Variants in WDR27 observed in about 807,000 individuals in gnomAD.
WDR27 encodes the protein WD repeat domain 27, also known as WD repeat-containing protein 27.
Under a neutral mutation model 114.4 loss-of-function variants are expected in WDR27, and 100 were observed. That is an observed-to-expected ratio of 0.87 (90% CI 0.74 to 1.03). The LOEUF is 1.03. WDR27 is among the 50% of genes least tolerant of loss of function. WDR27 has a pLI of 0.00. For missense variants in WDR27, 1,129 were observed against 1,092.9 expected, an observed-to-expected ratio of 1.03 and a Z score of -0.47; for synonymous variants, 449 against 423.1, an observed-to-expected ratio of 1.06 and a Z score of -0.75.
chr6:169,517,529 C>A (rs923196100), intron 25 of WDR27, among the ~76,000 whole-genome samples: 7 of 152,154 alleles, frequency 4.6e-5, no homozygotes, highest in Middle Eastern at 3.2e-3. Context: ...AAAGAAGTTA[C>A]AACAAAAATA....
intron 23 of WDR27, among the ~76,000 whole-genome samples, chr6:169,585,952 T>C (rs1015863473): frequency 2.0e-5 from 3 of 152,178 alleles, no homozygotes; most frequent in Non-Finnish European, 2.9e-5. Context: ...ATGGTACCAA[T>C]CCTTCTCCTA....
At position 169,621,409 on chromosome 6, in the gene WDR27, T is replaced by C. The variant is rs921585225; in HGVS notation, c.2224-7753A>G. ...ACGCACACACATGCACACATGCCTATACATACACACACGCGCATTCACACA... is the reference window on the plus strand; with the variant it reads ...ACGCACACACATGCACACATGCCTACACATACACACACGCGCATTCACACA... On this transcript the variant is annotated intron_variant, in intron 21 of 25. Transcript: ENST00000448612. 2.0e-5 allele frequency among the ~76,000 whole-genome samples: 3 copies of C among 150,980 alleles called. No homozygotes were observed. In the South Asian group the frequency reaches 6.3e-4, roughly 32 times the overall value.
chr6:169,694,138 T>C (rs1357479784), intron 1 of WDR27, among the ~76,000 whole-genome samples: 1 of 152,006 alleles, frequency 6.6e-6, no homozygotes, highest in Non-Finnish European at 1.5e-5. Context: ...TGAAACCCCC[T>C]CTCTACTAAA....
At chr6:169,582,667 T>A (rs907324194) in intron 24 of WDR27, among the ~76,000 whole-genome samples, 169 bp downstream of exon 24, 4 of 152,270 alleles carry the variant, frequency 2.6e-5, no homozygotes, top group South Asian at 2.1e-4. Context: ...TATTTCTCTC[T>A]CTCTCGCCAA....
At chr6:169,653,750 T>C (rs1823237251) in intron 13 of WDR27, among the ~76,000 whole-genome samples, 1 of 152,124 alleles carries the variant, frequency 6.6e-6, no homozygotes, top group African/African-American at 2.4e-5. Flanking sequence ...GGACAAGATA[T>C]TGAAACTGAG....
rs141767222 is a variant in WDR27 at position 169,664,875 on chromosome 6, C to T, written c.784-589G>A. ...AGCACGGGGGATGCCACACAGGAGCCGTCCAGGGCGCCTCTCCGGGGCGCG... is the reference window on the plus strand; with the variant it reads ...AGCACGGGGGATGCCACACAGGAGCTGTCCAGGGCGCCTCTCCGGGGCGCG... On this transcript the variant is annotated intron_variant, in intron 7 of 25. Transcript: ENST00000448612. 2,772 of 941,570 alleles carry T rather than the reference C, an allele frequency of 2.9e-3. 30 individuals are homozygous for T. Among genetic ancestry groups the T allele is most frequent in the Admixed American group, 8.9e-3 (147 of 16,524 alleles). The allele number at this position is 941,570 out of a possible 1,614,324, so 58.3% of individuals were successfully genotyped here.
chr6:169,445,802 C>T, the WDR27 span, among the ~76,000 whole-genome samples: 2 of 152,210 alleles, frequency 1.3e-5, no homozygotes, highest in East Asian at 1.9e-4. Flanking sequence ...CAGACCGAGG[C>T]GGTGCTCCCA....
chr6:169,632,198 A>AG (rs1270930260), intron 21 of WDR27, among the ~76,000 whole-genome samples: 1 of 150,784 alleles, frequency 6.6e-6, no homozygotes, highest in East Asian at 1.9e-4. Flanking sequence ...TCAAAAAAAA[A>AG]AAAAAAAAAA....
intron 2 of WDR27, among the ~76,000 whole-genome samples, chr6:169,673,122 T>C (rs1052295957): frequency 3.6e-4 from 55 of 151,796 alleles, no homozygotes; most frequent in African/African-American, 1.3e-3. Context: ...CCGTGACCAA[T>C]GGATATGGAG....
At chr6:169,658,704 G>C (rs796127401) in intron 12 of WDR27, among the ~76,000 whole-genome samples, 13 of 145,042 alleles carry the variant, frequency 9.0e-5, no homozygotes, top group African/African-American at 3.3e-4. Context: ...TTTTTTTTGA[G>C]ATGGAGTCTC....
At chr6:169,674,447 A>C (rs1562900674) in intron 2 of WDR27, among the ~76,000 whole-genome samples, 1 of 152,186 alleles carries the variant, frequency 6.6e-6, no homozygotes, top group Non-Finnish European at 1.5e-5. Flanking sequence ...TTTAAAAAAC[A>C]CTTAGTGGGA....
chr6:169,667,128 A>G lies in WDR27; in HGVS notation c.712+8T>C. The G allele has an allele frequency of 6.6e-7, 1 of 1,516,072 alleles. No individual in the cohort carries two copies. The highest frequency in any genetic ancestry group is 8.8e-7 in the Non-Finnish European group (1 of 1,134,580). 93.9% of individuals were successfully genotyped at this position (1,516,072 alleles called of 1,614,324 possible). A position where few individuals can be genotyped will look rare whatever the true frequency, so the allele number is the denominator to read the frequency against. On this transcript the variant is annotated splice_region_variant and intron_variant, in intron 6 of 25. Coordinates refer to ENST00000448612, the MANE Select transcript of WDR27 (RefSeq NM_182552.5). ...TATTTACAGAAAACATGAAAGTTTT[A>G]AATTTACCTGATAACACAGATGAAC... is the stretch of plus-strand genomic sequence containing the variant.
chr6:169,674,438 T>C, intron 2 of WDR27, among the ~76,000 whole-genome samples: 1 of 152,064 alleles, frequency 6.6e-6, no homozygotes, highest in Non-Finnish European at 1.5e-5. Flanking sequence ...AGATAAAATT[T>C]TAAAAAACAC....
chr6:169,671,895 G>T (rs1245628236), intron 3 of WDR27: 2 of 160,512 alleles, frequency 1.2e-5, no homozygotes, highest in East Asian at 3.6e-4. Context: ...AATATTACAG[G>T]TGCTCAAGAC....
intron 25 of WDR27, among the ~76,000 whole-genome samples, chr6:169,529,813 GTTTAC>G (rs1204546410): frequency 6.6e-6 from 1 of 151,694 alleles, no homozygotes; most frequent in African/African-American, 2.4e-5. Context: ...TTATTTAGTT[GTTTAC>G]TTTAAGGCTA....
Position 169,667,213 on chromosome 6 carries a change from G to A in WDR27, c.661-26C>T, listed in dbSNP as rs745725351. ...CTTTGGATAAACACAGGATTCTTTA[G>A]AAGAGGTAACAACGTTGCCATTATT... is the stretch of plus-strand genomic sequence containing the variant. On this transcript the variant is annotated intron_variant, in intron 5 of 25. Coordinates refer to ENST00000448612, the MANE Select transcript of WDR27 (RefSeq NM_182552.5). The A allele has an allele frequency of 3.1e-5, 46 of 1,488,220 alleles. No homozygotes were observed. In the South Asian group the frequency reaches 6.1e-4, roughly 20 times the overall value. The allele number at this position is 1,488,220 out of a possible 1,614,324, so 92.2% of individuals were successfully genotyped here.
At chr6:169,634,650 G>T in intron 19 of WDR27, 125 bp from the exon 20 acceptor site, 2 of 606,590 alleles carry the variant, frequency 3.3e-6, no homozygotes, top group Admixed American at 3.5e-5. Flanking sequence ...CATATTTTAT[G>T]ATACTGAGGG....
chr6:169,511,982 C>T (rs1792958808), intron 25 of WDR27, among the ~76,000 whole-genome samples: 1 of 152,170 alleles, frequency 6.6e-6, no homozygotes, highest in Non-Finnish European at 1.5e-5. Context: ...CAAATACAGG[C>T]TGTCACACTC....
intron 25 of WDR27, among the ~76,000 whole-genome samples, chr6:169,489,024 T>TTTAG (rs1251306252): frequency 6.6e-6 from 1 of 150,850 alleles, no homozygotes; most frequent in Non-Finnish European, 1.5e-5. Flanking sequence ...TACATAATCA[T>TTTAG]TTAGTTAGGC....
Sources: gnomAD v4.1 joint callset for allele counts (sites outside exome capture counted in the v4.1 genomes callset) on GRCh38, gnomAD v4.1.1 for gene constraint, MANE v1.5 for transcripts, NCBI Gene and HGNC (gene_info 2026-07-23, HGNC 2026-07-21) for gene names.